The following ANKRD62 variants were observed in gnomAD, a reference collection of about 807,000 sequenced individuals.
ANKRD62 encodes the protein ankyrin repeat domain-containing protein 62.
Under a neutral mutation model 98.8 loss-of-function variants are expected in ANKRD62, and 61 were observed. The ratio of observed to expected loss-of-function variants is 0.62; its 90% CI spans 0.50 to 0.76. ANKRD62 has a LOEUF of 0.76. Among genes scored for constraint, ANKRD62 ranks in the 30% least tolerant of loss-of-function variants. The pLI, the probability that ANKRD62 is intolerant of heterozygous loss-of-function variation, is 0.00. For missense variants in ANKRD62, 933 were observed against 1,082.9 expected (o/e 0.86, Z 1.94); for synonymous variants, 341 against 367.9 (o/e 0.93, Z 0.84).
downstream of ANKRD62, among the ~76,000 whole-genome samples, chr18:12,130,811 C>G (rs1207644591): frequency 6.6e-6 from 1 of 152,042 alleles, no homozygotes; most frequent in Non-Finnish European, 1.5e-5. Context: ...CCTGCCCCAG[C>G]CTCCCAAGTA....
chr18:12,120,724 T>C (rs1460547890), intron 10 of ANKRD62, among the ~76,000 whole-genome samples: 3 of 152,198 alleles, frequency 2.0e-5, no homozygotes, highest in African/African-American at 7.2e-5. Flanking sequence ...TGCTTTCCTT[T>C]AGATTAATCA....
In ANKRD62 at chr18:12,126,130, A is replaced by C. The variant is rs750179089; in HGVS notation, c.2309A>C (p.Gln770Pro). The C allele has an allele frequency of 3.3e-6, 5 of 1,536,018 alleles. No homozygotes were observed. In the East Asian group the frequency reaches 1.2e-4, roughly 38 times the overall value. Residue 770 changes from glutamine to proline, a missense_variant, in exon 13 of 14, where the codon CAA (glutamine) becomes CCA (proline). Around this residue, in one of 3 missense-constraint regions of ANKRD62, gnomAD observed 362 missense variants for 434.5 expected, o/e 0.83. Transcript: ENST00000587848. ...TTGGAAAAATACGTGAGAAAGCAGC[A>C]ATCTGTAGAGGATGGACTATTTCAA... ...PILEKYVRKQQSVEDGLFQLQ... is the reference protein window; with the variant it reads ...PILEKYVRKQPSVEDGLFQLQ...
chr18:12,111,981 G>T (rs1909549797), intron 8 of ANKRD62, among the ~76,000 whole-genome samples: 2 of 151,824 alleles, frequency 1.3e-5, no homozygotes, highest in Non-Finnish European at 2.9e-5. Flanking sequence ...GTGGTGGCAG[G>T]CACCTGTAAT....
chr18:12,096,140 T>G, intron 3 of ANKRD62, 56 bp from the exon 4 acceptor site: 1 of 1,184,404 alleles, frequency 8.4e-7, no homozygotes, highest in Non-Finnish European at 1.2e-6. Flanking sequence ...AGGTTTTCAG[T>G]TCAGTTGGGA....
chr18:12,170,134 C>T, the ANKRD62 span, among the ~76,000 whole-genome samples: 13 of 151,926 alleles, frequency 8.6e-5, no homozygotes, highest in African/African-American at 1.7e-4. Context: ...TCTCCTTCAG[C>T]TCTGCTCTGA....
At chr18:12,136,041 A>C in the ANKRD62 span, among the ~76,000 whole-genome samples, 1 of 152,088 alleles carries the variant, frequency 6.6e-6, no homozygotes, top group Admixed American at 6.5e-5. Flanking sequence ...GAAGCTCTTT[A>C]GTTTAATTAG....
At chr18:12,173,825 C>T in the ANKRD62 span, among the ~76,000 whole-genome samples, 3 of 152,198 alleles carry the variant, frequency 2.0e-5, no homozygotes, top group Non-Finnish European at 4.4e-5. Flanking sequence ...CTTCACATCT[C>T]TTTGGCTTGT....
chr18:12,165,404 C>CT, the ANKRD62 span, among the ~76,000 whole-genome samples: 3 of 151,812 alleles, frequency 2.0e-5, no homozygotes, highest in Non-Finnish European at 4.4e-5. Context: ...TAATTTCTTG[C>CT]TTTTTTTGTG....
the ANKRD62 span, among the ~76,000 whole-genome samples, chr18:12,156,667 G>A: frequency 1.3e-5 from 2 of 152,034 alleles, no homozygotes; most frequent in African/African-American, 4.8e-5. Context: ...CTTACTGTTG[G>A]CTCTAATCAA....
At chr18:12,132,318 T>C (rs1270483686), downstream of ANKRD62, among the ~76,000 whole-genome samples, 3 of 152,224 alleles carry the variant, frequency 2.0e-5, no homozygotes, top group South Asian at 2.1e-4. Context: ...AACGTTGTAA[T>C]TGGTTTCACT....
intron 8 of ANKRD62, among the ~76,000 whole-genome samples, chr18:12,109,967 A>C (rs1909503809): frequency 6.6e-6 from 1 of 151,644 alleles, no homozygotes; most frequent in Admixed American, 6.6e-5. Context: ...AAAAAAAAAA[A>C]AAAACAGACA....
intron 8 of ANKRD62, among the ~76,000 whole-genome samples, chr18:12,108,448 TG>T (rs201885166): frequency 0.011 from 1,673 of 152,240 alleles, 22 homozygotes; most frequent in Middle Eastern, 0.058. Context: ...AAGAACAGCA[TG>T]GGGGAAACAG....
At chr18:12,162,372 A>AT in the ANKRD62 span, among the ~76,000 whole-genome samples, 3 of 151,500 alleles carry the variant, frequency 2.0e-5, no homozygotes, top group East Asian at 1.9e-4. Flanking sequence ...GGATTATTAG[A>AT]TTTTTTTTCC....
the ANKRD62 span, among the ~76,000 whole-genome samples, chr18:12,165,011 A>AC: frequency 6.6e-6 from 1 of 151,456 alleles, no homozygotes; most frequent in African/African-American, 2.4e-5. Flanking sequence ...TGCTGAATTG[A>AC]CCCCTTTATC....
chr18:12,162,127 T>C, the ANKRD62 span, among the ~76,000 whole-genome samples: 1 of 152,106 alleles, frequency 6.6e-6, no homozygotes, highest in Non-Finnish European at 1.5e-5. Flanking sequence ...TATTAATTTA[T>C]GTTTCCACCA....
chr18:12,102,665 A>G (rs1909329226), intron 6 of ANKRD62: 1 of 984,062 alleles, frequency 1.0e-6, no homozygotes, highest in Admixed American at 4.9e-5. Context: ...GAAATTTGTC[A>G]GAATAGTAGA....
the ANKRD62 span, among the ~76,000 whole-genome samples, chr18:12,136,971 A>G: frequency 1.3e-5 from 2 of 152,048 alleles, no homozygotes; most frequent in Non-Finnish European, 2.9e-5. Context: ...GGTTTTCTAG[A>G]TATACAATCA....
intron 6 of ANKRD62, chr18:12,102,430 T>C: frequency 2.0e-6 from 1 of 490,550 alleles, no homozygotes; most frequent in Non-Finnish European, 3.9e-6. Context: ...CTCAGCCTCC[T>C]TGGGCACCGC....
chr18:12,179,252 G>A, the ANKRD62 span, among the ~76,000 whole-genome samples: 1 of 139,894 alleles, frequency 7.1e-6, no homozygotes, highest in East Asian at 2.4e-4. Context: ...GGATAGATCA[G>A]CTGGGACACA....
Sources: allele counts gnomAD v4.1 joint callset (sites outside exome capture counted in the v4.1 genomes callset), GRCh38; gene constraint gnomAD v4.1.1; regional missense constraint gnomAD v4.1.1; transcripts MANE v1.5; gene names NCBI Gene and HGNC (gene_info 2026-07-23, HGNC 2026-07-21).